Variants in CCDC186 observed in about 807,000 individuals in gnomAD.
The protein encoded by CCDC186 is coiled-coil domain containing 186, also known as coiled-coil domain-containing protein 186.
CCDC186 carries 49 observed loss-of-function variants against 113.7 expected under a neutral mutation model. That is an observed-to-expected ratio of 0.43 (90% CI 0.34 to 0.55). The LOEUF (loss-of-function observed/expected upper bound fraction) is 0.55. CCDC186 is among the 20% of genes least tolerant of loss of function. The pLI, the probability that CCDC186 is intolerant of heterozygous loss-of-function variation, is 0.02. For synonymous variants in CCDC186, 355 were observed against 345.8 expected (o/e 1.03, Z -0.30); for missense variants, 890 against 1,011.1 (o/e 0.88, Z 1.62).
chr10:114,136,108 A>G, intron 8 of CCDC186, 40 bp downstream of exon 8: 2 of 1,554,126 alleles, frequency 1.3e-6, no homozygotes, highest in Non-Finnish European at 1.8e-6. Flanking sequence ...TTCTGTATTT[A>G]TTATGCAACT....
At position 114,157,547 on chromosome 10, in the gene CCDC186, T is replaced by C. The variant is rs750741409; in HGVS notation, c.759+7A>G. 3 of 1,584,132 alleles carry C rather than the reference T, an allele frequency of 1.9e-6. No homozygotes were observed. The South Asian group carries it at 3.5e-5, about 19-fold the overall frequency. On this transcript the variant is annotated splice_region_variant and intron_variant, in intron 3 of 15. Transcript: ENST00000369287. The stretch of plus-strand genomic sequence containing the variant: ...GTATAGTCTTCGAAGATTTTTGTCT[T>C]TTTTACCTGTTTAATTGTGTTCATA...
chr10:114,173,916 C>G (rs915088831), intron 1 of CCDC186, 99 bp downstream of exon 1: 20 of 417,370 alleles, frequency 4.8e-5, no homozygotes, highest in African/African-American at 3.3e-4. Context: ...CGCCCTCGCC[C>G]CCGCCACGGA....
At position 114,157,557 on chromosome 10, in the gene CCDC186, T is replaced by A; in HGVS notation, c.756A>T (p.Lys252Asn). The stretch of plus-strand genomic sequence containing the variant: ...CGAAGATTTTTGTCTTTTTTACCTG[T>A]TTAATTGTGTTCATATGCTGCTTCT... ...ETEKQHMNTI[K>N]QLESRIEELN... The change falls in exon 3 of 16, where the codon AAA becomes AAT. Residue 252 changes from lysine to asparagine, a missense_variant. Coordinates refer to ENST00000369287, the MANE Select transcript of CCDC186 (RefSeq NM_018017.4). The A allele has an allele frequency of 6.3e-7, 1 of 1,599,062 alleles. No homozygotes were observed. The highest frequency in any genetic ancestry group is 8.5e-7 in the Non-Finnish European group (1 of 1,176,054).
chr10:114,137,702 AGACCAGCCT>A (rs2031310735), intron 6 of CCDC186, among the ~76,000 whole-genome samples: 1 of 152,080 alleles, frequency 6.6e-6, no homozygotes, highest in African/African-American at 2.4e-5. Context: ...CAGGAACTTG[AGACCAGCCT>A]GACCAGCATG....
At chr10:114,141,522 G>A (rs1225194799) in intron 6 of CCDC186, among the ~76,000 whole-genome samples, 1 of 152,128 alleles carries the variant, frequency 6.6e-6, no homozygotes, top group Non-Finnish European at 1.5e-5. Flanking sequence ...GTGTTGAGAG[G>A]TCATTTCTCT....
At position 114,123,355 on chromosome 10, in the gene CCDC186, C is replaced by T. The variant is rs893684760; in HGVS notation, c.*1788G>A. On this transcript the variant is annotated 3_prime_UTR_variant, in exon 16 of 16. Transcript: ENST00000369287. The stretch of plus-strand genomic sequence containing the variant: ...TGAAAAGATATTTTTTTTGGGATAA[C>T]ATCTAATTCAATATATAGAAAAAAA... 7 of 152,166 alleles carry T rather than the reference C, an allele frequency of 4.6e-5. No homozygotes were observed. Among genetic ancestry groups the T allele is most frequent in the South Asian group, 2.1e-4 (1 of 4,806 alleles). The allele number at this position is 152,166 out of a possible 1,614,324, so 9.4% of individuals were successfully genotyped here.
intron 14 of CCDC186, 43 bp from the exon 15 acceptor site, chr10:114,126,148 TA>T (rs372410334): frequency 7.7e-5 from 116 of 1,510,832 alleles, no homozygotes; most frequent in African/African-American, 4.3e-4. Flanking sequence ...CTTGTAGAAT[TA>T]AAAAAAATGG....
At chr10:114,136,908 G>A (rs2031279364) in intron 7 of CCDC186, among the ~76,000 whole-genome samples, 1 of 151,938 alleles carries the variant, frequency 6.6e-6, no homozygotes, top group Admixed American at 6.6e-5. Flanking sequence ...CCCGAAGTCA[G>A]GAGTTCGAGA....
At chr10:114,129,209 T>A (rs996953517) in intron 13 of CCDC186, among the ~76,000 whole-genome samples, 2 of 151,822 alleles carry the variant, frequency 1.3e-5, no homozygotes, top group Non-Finnish European at 2.9e-5. Flanking sequence ...TGCCTATAGT[T>A]CCGGTTACTT....
chr10:114,160,298 C>T (rs1473136523), intron 2 of CCDC186, among the ~76,000 whole-genome samples: 1 of 151,790 alleles, frequency 6.6e-6, no homozygotes, highest in Non-Finnish European at 1.5e-5. Flanking sequence ...TGGTTGGAAC[C>T]TTAGACAGTA....
At chr10:114,145,103 G>C (rs1403303686) in intron 5 of CCDC186, among the ~76,000 whole-genome samples, 1 of 152,044 alleles carries the variant, frequency 6.6e-6, no homozygotes, top group Admixed American at 6.5e-5. Flanking sequence ...ATCTAAGAAA[G>C]ACATGTTTTT....
In CCDC186 at chr10:114,145,773, A is replaced by T; in HGVS notation, c.889-12T>A. 6.4e-7 allele frequency: 1 copy of T among 1,567,580 alleles called. No homozygotes were observed. Among genetic ancestry groups the T allele is most frequent in the Non-Finnish European group, 8.6e-7 (1 of 1,164,278 alleles). On this transcript the variant is annotated splice_polypyrimidine_tract_variant and intron_variant, in intron 4 of 15. Transcript: ENST00000369287. ...CATTTCTTGTTGGCCTTCAAAAAAA[A>T]TATTACTTAGCATTAATGAAAAATA...
At chr10:114,130,097 CT>C in intron 12 of CCDC186, 126 bp from the exon 13 acceptor site, 2 of 708,532 alleles carry the variant, frequency 2.8e-6, no homozygotes, top group Non-Finnish European at 4.8e-6. Flanking sequence ...TGAATACATA[CT>C]TTAGGCAGAG....
chr10:114,152,256 T>G (rs904740227), intron 3 of CCDC186, among the ~76,000 whole-genome samples: 14 of 151,802 alleles, frequency 9.2e-5, no homozygotes, highest in Non-Finnish European at 1.6e-4. Context: ...GCAGGAAGAT[T>G]GCTAGAGCCA....
chr10:114,125,910 C>G lies in CCDC186; in HGVS notation c.2589G>C (p.Thr863=), dbSNP rs755569575. ...CCTTCAAAGTAATATTTTTTAGTAACGTATCCTCCAAAACAGCCTGTAATT... is the reference window on the plus strand; with the variant it reads ...CCTTCAAAGTAATATTTTTTAGTAAGGTATCCTCCAAAACAGCCTGTAATT... ...NRKLQAVLED[T]LLKNITLKEN... The change falls in exon 15 of 16, where the codon ACG becomes ACC. Residue 863 remains threonine (T), a synonymous_variant. Coordinates refer to ENST00000369287, the MANE Select transcript of CCDC186 (RefSeq NM_018017.4). 1.2e-6 allele frequency: 2 copies of G among 1,613,772 alleles called. No individual in the cohort carries two copies. The highest frequency in any genetic ancestry group is 1.7e-6 in the Non-Finnish European group (2 of 1,179,824).
intron 6 of CCDC186, among the ~76,000 whole-genome samples, chr10:114,142,307 G>A (rs941738943): frequency 6.6e-6 from 1 of 152,212 alleles, no homozygotes; most frequent in African/African-American, 2.4e-5. Flanking sequence ...TGCTGGTCTA[G>A]CTTCTGGGTC....
chr10:114,150,128 G>A (rs966436052), intron 4 of CCDC186, among the ~76,000 whole-genome samples: 10 of 152,158 alleles, frequency 6.6e-5, no homozygotes, highest in South Asian at 2.1e-4. Context: ...TAGCAGCTTC[G>A]GGGTAGAAAG....
Position 114,162,918 on chromosome 10 carries a change from T to C in CCDC186, c.351A>G (p.Gln117=). ...KTNETEQKVT[Q]ILVELRSSTF... Reference sequence around the variant, plus strand: ...TAGATGACCTTAATTCCACCAATATTTGTGTTACTTTCTGTTCTGTTTCAT... The same window carrying C: ...TAGATGACCTTAATTCCACCAATATCTGTGTTACTTTCTGTTCTGTTTCAT... The change falls in exon 2 of 16, where the codon CAA becomes CAG. Residue 117 remains glutamine (Q), a synonymous_variant. Coordinates refer to ENST00000369287, the MANE Select transcript of CCDC186 (RefSeq NM_018017.4). The C allele has an allele frequency of 1.2e-6, 2 of 1,613,602 alleles. No homozygotes were observed. Among genetic ancestry groups the C allele is most frequent in the African/African-American group, 1.3e-5 (1 of 75,000 alleles).
chr10:114,149,814 AAGGC>A (rs1374980836), intron 4 of CCDC186, among the ~76,000 whole-genome samples: 5 of 53,790 alleles, frequency 9.3e-5, no homozygotes, highest in Admixed American at 2.0e-4. Flanking sequence ...GGAAGGAAGG[AAGGC>A]AGGAAGGCAG....
Sources: gnomAD v4.1 joint callset for allele counts (sites outside exome capture counted in the v4.1 genomes callset) on GRCh38, gnomAD v4.1.1 for gene constraint, MANE v1.5 for transcripts, NCBI Gene and HGNC (gene_info 2026-07-23, HGNC 2026-07-21) for gene names.